The following PDE4D variants were observed in gnomAD, a reference collection of about 807,000 sequenced individuals.
PDE4D encodes 3',5'-cyclic-AMP phosphodiesterase 4D.
Under a neutral mutation model 87.4 loss-of-function variants are expected in PDE4D, and 24 were observed. The ratio of observed to expected loss-of-function variants is 0.27; its 90% CI spans 0.20 to 0.39. The LOEUF is 0.39. Ranked by LOEUF, PDE4D falls within the 10% of genes least tolerant of loss-of-function variation. The probability of loss-of-function intolerance (pLI) is 1.00; values close to 1 mark genes in which losing one functional copy is unlikely to be tolerated. For missense variants in PDE4D, 714 were observed against 1,041.0 expected, an observed-to-expected ratio of 0.69 and a Z score of 4.32; for synonymous variants, 384 against 383.2, an observed-to-expected ratio of 1.00 and a Z score of -0.02.
intron 1 of PDE4D, among the ~76,000 whole-genome samples, chr5:59,228,341 T>C (rs1417801348): frequency 6.6e-6 from 1 of 151,614 alleles, no homozygotes; most frequent in Non-Finnish European, 1.5e-5. Flanking sequence ...CAAAATAATA[T>C]GTATACCAAA....
At position 59,771,485 on chromosome 5, in the gene PDE4D, G is replaced by GAAAGAAAGAAAGAA. The variant is rs56311484; in HGVS notation, c.455+121682_455+121683insTTCTTTCTTTCTTT. 2.0e-3 allele frequency among the ~76,000 whole-genome samples: 143 copies of GAAAGAAAGAAAGAA among 70,668 alleles called. 2 individuals carry two copies. The highest frequency in any genetic ancestry group is 3.1e-3 in the Non-Finnish European group (107 of 35,042). The allele number at this position is 70,668 out of a possible 152,430, so 46.4% of individuals were successfully genotyped here. The stretch of plus-strand genomic sequence containing the variant: ...AGAAAGAAAGAAAGAAAGAAAGAAA[G>GAAAGAAAGAAAGAA]AGAGAGAGAGAGAGAAGAAAGAAAG... On this transcript the variant is annotated intron_variant, in intron 1 of 14. Transcript: ENST00000340635.
chr5:59,411,516 G>A (rs985142073), intron 1 of PDE4D, among the ~76,000 whole-genome samples: 10 of 152,282 alleles, frequency 6.6e-5, no homozygotes, highest in African/African-American at 2.2e-4. Flanking sequence ...GATCAAAGGC[G>A]TCAACAGGTT....
intron 2 of PDE4D, among the ~76,000 whole-genome samples, chr5:60,158,301 C>T (rs900999123): frequency 2.6e-5 from 4 of 152,110 alleles, no homozygotes; most frequent in African/African-American, 7.2e-5. Context: ...TGCCATGTTA[C>T]TGTACTGAAT....
chr5:59,672,736 A>T (rs924376832), intron 1 of PDE4D, among the ~76,000 whole-genome samples: 6 of 152,316 alleles, frequency 3.9e-5, no homozygotes, highest in Admixed American at 1.3e-4. Flanking sequence ...TATAGAAAAA[A>T]TGATGCATAT....
At chr5:59,914,237 T>C (rs1472241528) in intron 3 of PDE4D, among the ~76,000 whole-genome samples, 2 of 152,142 alleles carry the variant, frequency 1.3e-5, no homozygotes, top group Admixed American at 1.3e-4. Flanking sequence ...TTAATATACA[T>C]ATTTTATCAG....
At chr5:59,988,746 T>C in intron 2 of PDE4D, 1 of 1,305,706 alleles carries the variant, frequency 7.7e-7, no homozygotes, top group Non-Finnish European at 1.1e-6. Context: ...AAAGTACATA[T>C]AATCAACAAA....
At chr5:59,824,717 T>C (rs1770117196) in intron 1 of PDE4D, among the ~76,000 whole-genome samples, 1 of 152,176 alleles carries the variant, frequency 6.6e-6, no homozygotes, top group South Asian at 2.1e-4. Flanking sequence ...ATCTCCTGGA[T>C]ATTGCCCAGC....
intron 1 of PDE4D, among the ~76,000 whole-genome samples, chr5:60,396,161 C>T (rs549810941): frequency 1.3e-5 from 2 of 152,188 alleles, no homozygotes; most frequent in Non-Finnish European, 2.9e-5. Flanking sequence ...TTATCCACTG[C>T]GCATGTTCCC....
chr5:59,155,800 C>A (rs545420359), intron 5 of PDE4D, among the ~76,000 whole-genome samples: 2 of 151,982 alleles, frequency 1.3e-5, no homozygotes, highest in African/African-American at 4.8e-5. Flanking sequence ...AAACGTCATC[C>A]GCTGAGACCA....
In PDE4D at chr5:58,976,877, A is replaced by G. The variant is rs11952875; in HGVS notation, c.1707+314T>C. Among the ~76,000 whole-genome samples the G allele has an allele frequency of 0.16, 24,488 of 152,164 alleles. 2,100 individuals carry two copies. Among genetic ancestry groups the G allele is most frequent in the Admixed American group, 0.19 (2,901 of 15,296 alleles). On this transcript the variant is annotated intron_variant, in intron 12 of 14. Coordinates refer to ENST00000340635, the MANE Select transcript of PDE4D (RefSeq NM_001104631.2). ...TGTCTACTGATGAGAAAAGGTGGGGAAAAAATCCATTTGAGCTGTGGCCCA... is the reference window on the plus strand; with the variant it reads ...TGTCTACTGATGAGAAAAGGTGGGGGAAAAATCCATTTGAGCTGTGGCCCA...
At chr5:60,227,606 G>A (rs1157790666) in intron 1 of PDE4D, among the ~76,000 whole-genome samples, 1 of 139,612 alleles carries the variant, frequency 7.2e-6, no homozygotes, top group Non-Finnish European at 1.6e-5. Flanking sequence ...AGAGAGGGAG[G>A]GAGGGAGGAA....
chr5:59,426,731 G>T (rs566309861), intron 1 of PDE4D, among the ~76,000 whole-genome samples: 1 of 151,990 alleles, frequency 6.6e-6, no homozygotes, highest in African/African-American at 2.4e-5. Context: ...TTGCCTTGGG[G>T]TGCCAGTGGC....
At chr5:59,697,655 C>T (rs538035742) in intron 1 of PDE4D, among the ~76,000 whole-genome samples, 1 of 152,124 alleles carries the variant, frequency 6.6e-6, no homozygotes, top group Non-Finnish European at 1.5e-5. Context: ...AGGTTGTGAG[C>T]CAAGATTCCA....
intron 1 of PDE4D, among the ~76,000 whole-genome samples, chr5:59,776,176 A>G (rs2152617727): frequency 6.6e-6 from 1 of 152,320 alleles, no homozygotes; most frequent in East Asian, 1.9e-4. Flanking sequence ...ATGCTTTACA[A>G]AAGGCATTAG....
At chr5:59,448,102 TAAG>T (rs1306249706) in intron 1 of PDE4D, among the ~76,000 whole-genome samples, 2 of 152,232 alleles carry the variant, frequency 1.3e-5, no homozygotes, top group Admixed American at 1.3e-4. Flanking sequence ...GGGCAGATTT[TAAG>T]AAGACGTGTA....
At chr5:60,473,120 AAAGAAAGGAAGGAAGGAAGG>A (rs1747957204) in intron 1 of PDE4D, among the ~76,000 whole-genome samples, 1 of 56,998 alleles carries the variant, frequency 1.8e-5, no homozygotes, top group African/African-American at 2.1e-4. Flanking sequence ...AGAGAGAGAG[AAAGAAAGGAAGGAAGGAAGG>A]AAGGAAGGAA....
intron 1 of PDE4D, among the ~76,000 whole-genome samples, chr5:60,265,008 C>T (rs147506113): frequency 2.0e-5 from 3 of 152,212 alleles, no homozygotes; most frequent in Middle Eastern, 3.4e-3. Flanking sequence ...GTGTATTACA[C>T]GAGAGAGGGC....
At chr5:60,456,250 C>T (rs1164626630) in intron 1 of PDE4D, among the ~76,000 whole-genome samples, 1 of 152,112 alleles carries the variant, frequency 6.6e-6, no homozygotes, top group Non-Finnish European at 1.5e-5. Context: ...TTGACAATAT[C>T]CACATGGCTC....
intron 1 of PDE4D, among the ~76,000 whole-genome samples, chr5:59,604,329 G>A (rs1213133039): frequency 6.6e-6 from 1 of 152,000 alleles, no homozygotes; most frequent in Non-Finnish European, 1.5e-5. Flanking sequence ...TGTAGCACAT[G>A]CAAGTACTCA....
Sources: gnomAD v4.1 joint callset for allele counts (sites outside exome capture counted in the v4.1 genomes callset) on GRCh38, gnomAD v4.1.1 for gene constraint, MANE v1.5 for transcripts, NCBI Gene and HGNC (gene_info 2026-07-23, HGNC 2026-07-21) for gene names.